AOX1: variants seen among roughly 807,000 people sequenced by gnomAD.
AOX1 encodes aldehyde oxidase 1.
Under a neutral mutation model 169.5 loss-of-function variants are expected in AOX1, and 153 were observed. The ratio of observed to expected loss-of-function variants is 0.90; its 90% CI spans 0.79 to 1.03. AOX1 has a LOEUF of 1.03. Ranked by LOEUF, AOX1 falls within the 50% of genes least tolerant of loss-of-function variation. The pLI is 0.00. For synonymous variants in AOX1, 562 were observed against 581.9 expected (o/e 0.97, Z 0.49); for missense variants, 1,656 against 1,663.9 (o/e 1.00, Z 0.08).
chr2:200,676,995 G>C (rs116186723), exon 5 of AOX1: 9 of 465,342 alleles, frequency 1.9e-5, no homozygotes, highest in African/African-American at 1.8e-4. Flanking sequence ...GATGAACTTG[G>C]TTTGTTTGTA....
At chr2:200,654,707 C>T (rs779926704) in intron 26 of AOX1, among the ~76,000 whole-genome samples, 13 of 152,196 alleles carry the variant, frequency 8.5e-5, no homozygotes, top group Non-Finnish European at 1.6e-4. Flanking sequence ...AACTTCTCAT[C>T]GATACCAGTA....
At chr2:200,665,348 T>C (rs1443887314) in intron 31 of AOX1, among the ~76,000 whole-genome samples, 1 of 152,218 alleles carries the variant, frequency 6.6e-6, no homozygotes, top group Admixed American at 6.5e-5. Context: ...AGCCATCTTT[T>C]AGGCAGCCTA....
At chr2:200,603,984 A>G in intron 7 of AOX1, 33 bp from the exon 8 acceptor site, 1 of 1,429,300 alleles carries the variant, frequency 7.0e-7, no homozygotes, top group Non-Finnish European at 9.9e-7. Flanking sequence ...AAGTTGCTCG[A>G]TAACAGTAAT....
At chr2:200,660,702 A>G (rs975831651) in intron 29 of AOX1, among the ~76,000 whole-genome samples, 14 of 152,206 alleles carry the variant, frequency 9.2e-5, no homozygotes, top group Admixed American at 9.2e-4. Flanking sequence ...CACGCTGGCT[A>G]TTCTAGAATG....
At chr2:200,640,094 T>C (rs1296315371) in intron 23 of AOX1, among the ~76,000 whole-genome samples, 1 of 147,952 alleles carries the variant, frequency 6.8e-6, no homozygotes, top group Admixed American at 6.7e-5. Flanking sequence ...GGTGTGGGAA[T>C]AGTAAGAGCA....
At chr2:200,591,379 T>C (rs1236939647) in intron 1 of AOX1, among the ~76,000 whole-genome samples, 4 of 152,180 alleles carry the variant, frequency 2.6e-5, no homozygotes, top group Non-Finnish European at 5.9e-5. Context: ...GAACTCTCCA[T>C]AGAGAACACT....
chr2:200,621,439 T>C (rs2034884831), intron 18 of AOX1, among the ~76,000 whole-genome samples, 193 bp downstream of exon 18: 1 of 152,198 alleles, frequency 6.6e-6, no homozygotes, highest in South Asian at 2.1e-4. Flanking sequence ...AGACATTAAC[T>C]AGTTATATAA....
intron 20 of AOX1, among the ~76,000 whole-genome samples, chr2:200,631,041 G>GA (rs1261203462): frequency 6.6e-6 from 1 of 151,818 alleles, no homozygotes; most frequent in Non-Finnish European, 1.5e-5. Flanking sequence ...GGTGTTCCAA[G>GA]AAAAAAAATA....
chr2:200,674,456 G>A (rs2036069550), downstream of AOX1, among the ~76,000 whole-genome samples: 1 of 152,166 alleles, frequency 6.6e-6, no homozygotes, highest in Non-Finnish European at 1.5e-5. Context: ...ACAAGACTGG[G>A]GACAAGATGG....
chr2:200,636,626 A>G (rs572854818), intron 21 of AOX1, among the ~76,000 whole-genome samples: 1 of 152,254 alleles, frequency 6.6e-6, no homozygotes, highest in East Asian at 1.9e-4. Flanking sequence ...GGTAATGAAA[A>G]CACTACTAAT....
Position 200,613,808 on chromosome 2 carries a change from T to C in AOX1, c.1453T>C (p.Trp485Arg). 1 of 1,611,362 alleles carries C rather than the reference T, an allele frequency of 6.2e-7. No homozygotes were observed. Among genetic ancestry groups the C allele is most frequent in the Non-Finnish European group, 8.5e-7 (1 of 1,179,318 alleles). ...NSCQKLIGRH[W>R]NEQMLDIACR... ...TCTTCTCTTTGGACTTTCCAGGCACTGGAACGAACAGATGCTGGATATAGC... is the reference window on the plus strand; with the variant it reads ...TCTTCTCTTTGGACTTTCCAGGCACCGGAACGAACAGATGCTGGATATAGC... Residue 485 changes from tryptophan (W) to arginine (R), a missense_variant, in exon 15 of 35, where the codon TGG becomes CGG. Coordinates refer to ENST00000374700, the MANE Select transcript of AOX1 (RefSeq NM_001159.4).
At chr2:200,635,761 G>A (rs1020155312) in intron 21 of AOX1, among the ~76,000 whole-genome samples, 1 of 152,172 alleles carries the variant, frequency 6.6e-6, no homozygotes, top group African/African-American at 2.4e-5. Context: ...GGAAAGCTAG[G>A]TTTAAGCATC....
intron 29 of AOX1, 52 bp from the exon 30 acceptor site, chr2:200,661,527 G>T: frequency 7.0e-7 from 1 of 1,426,956 alleles, no homozygotes; most frequent in East Asian, 2.3e-5. Flanking sequence ...AGTCTTGAGT[G>T]ATTCTTTCTT....
At chr2:200,646,637 AT>A (rs2035458489) in intron 25 of AOX1, among the ~76,000 whole-genome samples, 1 of 152,012 alleles carries the variant, frequency 6.6e-6, no homozygotes, top group African/African-American at 2.4e-5. Flanking sequence ...TTGATGACCT[AT>A]CTAGTCCTGT....
rs369214731 is a variant in AOX1, at chr2:200,597,554, A to T, written c.309+49A>T. On this transcript the variant is annotated intron_variant, in intron 4 of 34. Transcript: ENST00000374700. Reference sequence around the variant, plus strand: ...AGGCTTTCTGTGCTTTAGAAACCTCATGACATTGAGTCCCTGAGATTAAGA... The same window carrying T: ...AGGCTTTCTGTGCTTTAGAAACCTCTTGACATTGAGTCCCTGAGATTAAGA... 2.6e-3 allele frequency: 3,650 copies of T among 1,403,814 alleles called. 7 individuals are homozygous for T. Among genetic ancestry groups the T allele is most frequent in the Non-Finnish European group, 3.4e-3 (3,413 of 1,002,736 alleles). 87.0% of individuals were successfully genotyped at this position (1,403,814 alleles called of 1,614,324 possible). A position where few individuals can be genotyped will look rare whatever the true frequency, so the allele number is the denominator to read the frequency against.
intron 15 of AOX1, among the ~76,000 whole-genome samples, chr2:200,615,573 T>G (rs2034738523): frequency 6.6e-6 from 1 of 152,214 alleles, no homozygotes. Flanking sequence ...TTTGCAATGG[T>G]GTACTTTGAC....
intron 29 of AOX1, among the ~76,000 whole-genome samples, chr2:200,660,523 A>G (rs547512603): frequency 7.9e-5 from 12 of 152,318 alleles, no homozygotes; most frequent in African/African-American, 2.9e-4. Context: ...TTCATCCAGT[A>G]ATAGGTACTC....
chr2:200,638,033 A>G, intron 22 of AOX1, 182 bp from the exon 23 acceptor site: 1 of 519,358 alleles, frequency 1.9e-6, no homozygotes, highest in East Asian at 3.5e-5. Context: ...TTATTCCCTG[A>G]CCTAACGGGA....
chr2:200,613,765 ACCC>A, intron 14 of AOX1, 36 bp from the exon 15 acceptor site: 1 of 1,586,236 alleles, frequency 6.3e-7, no homozygotes, highest in Non-Finnish European at 8.6e-7. Context: ...GGGGTAATAA[ACCC>A]TGTCAGGCTA....
Sources: gnomAD v4.1 joint callset for allele counts (sites outside exome capture counted in the v4.1 genomes callset) on GRCh38, gnomAD v4.1.1 for gene constraint, MANE v1.5 for transcripts, NCBI Gene and HGNC (gene_info 2026-07-23, HGNC 2026-07-21) for gene names.